Variants in FBXO33 observed in about 807,000 individuals in gnomAD.
The protein encoded by FBXO33 is F-box protein 33, also known as F-box only protein 33.
Under a neutral mutation model 46.3 loss-of-function variants are expected in FBXO33, and 22 were observed. The observed-to-expected ratio is 0.48, with a 90% CI of 0.34 to 0.68. The LOEUF is 0.68. FBXO33 is among the 30% of genes least tolerant of loss of function. FBXO33 has a pLI of 0.01. For synonymous variants in FBXO33, 337 were observed against 291.3 expected (o/e 1.16, Z -1.60); for missense variants, 692 against 708.8 (o/e 0.98, Z 0.27).
intron 1 of FBXO33, among the ~76,000 whole-genome samples, chr14:39,428,352 T>C (rs1268071435): frequency 6.6e-6 from 1 of 152,038 alleles, no homozygotes; most frequent in Non-Finnish European, 1.5e-5. Flanking sequence ...ATTACAGGCA[T>C]GCACTGCCAC....
chr14:39,410,446 T>C (rs2075417315), intron 1 of FBXO33, among the ~76,000 whole-genome samples: 1 of 152,220 alleles, frequency 6.6e-6, no homozygotes, highest in African/African-American at 2.4e-5. Context: ...TTGTTGAGGA[T>C]TTTGGTATCT....
At chr14:39,419,235 C>T (rs10136852) in intron 1 of FBXO33, among the ~76,000 whole-genome samples, 3 of 152,118 alleles carry the variant, frequency 2.0e-5, no homozygotes, top group Admixed American at 6.5e-5. Flanking sequence ...TTATAACTCA[C>T]GTATTTCAGA....
chr14:39,422,136 T>C lies in FBXO33; in HGVS notation c.599+9428A>G, dbSNP rs558052564. Reference sequence around the variant, plus strand: ...AGTCAGGCCTGGTGGCGTGTGCCTGTAGTCTCAGCTACTCGGGAGACTGAG... The same window carrying C: ...AGTCAGGCCTGGTGGCGTGTGCCTGCAGTCTCAGCTACTCGGGAGACTGAG... On this transcript the variant is annotated intron_variant, in intron 1 of 3. Coordinates refer to ENST00000298097, the MANE Select transcript of FBXO33 (RefSeq NM_203301.4). Among the ~76,000 whole-genome samples, 3 of 152,270 alleles carry C rather than the reference T, an allele frequency of 2.0e-5. No homozygotes were observed. In the South Asian group the frequency reaches 6.2e-4, roughly 32 times the overall value.
chr14:39,401,716 G>A lies in FBXO33; in HGVS notation c.856C>T (p.Leu286=). Residue 286 remains leucine, a synonymous_variant, in exon 3 of 4, where the codon CTG becomes TTG. Coordinates refer to ENST00000298097, the MANE Select transcript of FBXO33 (RefSeq NM_203301.4). The stretch of plus-strand genomic sequence containing the variant: ...CTGTTACCAGGAATATTATTGTCCA[G>A]TAAACTGAGGTGCTCCATGGTGTTG... ...VANTMEHLSL[L]DNNIPGNSTL... The A allele has an allele frequency of 6.2e-7, 1 of 1,614,236 alleles. No individual in the cohort carries two copies. Among genetic ancestry groups the A allele is most frequent in the South Asian group, 1.1e-5 (1 of 91,092 alleles).
At chr14:39,422,207 A>C (rs1036255413) in intron 1 of FBXO33, among the ~76,000 whole-genome samples, 3 of 152,172 alleles carry the variant, frequency 2.0e-5, no homozygotes, top group Non-Finnish European at 4.4e-5. Flanking sequence ...GCAGTGAGCC[A>C]ATATTGTGCC....
Position 39,431,793 on chromosome 14 carries a change from G to A in FBXO33, c.370C>T (p.Arg124Trp). ...CLRVSPAEQPRLEFLMRKCGW... is the reference protein window; with the variant it reads ...CLRVSPAEQPWLEFLMRKCGW... Reference sequence around the variant, plus strand: ...CACTTGCGCATGAGGAATTCCAGCCGAGGCTGCTCCGCGGGCGAGACGCGG... The same window carrying A: ...CACTTGCGCATGAGGAATTCCAGCCAAGGCTGCTCCGCGGGCGAGACGCGG... The change falls in exon 1 of 4, where the codon CGG becomes TGG. Residue 124 changes from arginine to tryptophan, a missense_variant. Arg to Trp is a moderately radical substitution (Grantham distance 101, BLOSUM62 -3). Coordinates refer to ENST00000298097, the MANE Select transcript of FBXO33 (RefSeq NM_203301.4). 6.2e-7 allele frequency: 1 copy of A among 1,612,284 alleles called. No homozygotes were observed. The highest frequency in any genetic ancestry group is 8.5e-7 in the Non-Finnish European group (1 of 1,179,958).
At chr14:39,406,329 C>A (rs1380605990) in intron 1 of FBXO33, among the ~76,000 whole-genome samples, 1 of 152,146 alleles carries the variant, frequency 6.6e-6, no homozygotes, top group Non-Finnish European at 1.5e-5. Context: ...CCTTTCAACT[C>A]AACTTTCATT....
intron 3 of FBXO33, 79 bp from the exon 4 acceptor site, chr14:39,399,866 C>A: frequency 7.1e-7 from 1 of 1,406,856 alleles, no homozygotes; most frequent in South Asian, 1.8e-5. Context: ...TTTCCTCATT[C>A]AAAGCTTCTA....
chr14:39,418,773 TCAAAAAAAAAAAAAAA>T (rs1164551405), intron 1 of FBXO33, among the ~76,000 whole-genome samples: 1 of 105,322 alleles, frequency 9.5e-6, no homozygotes, highest in Non-Finnish European at 1.8e-5. Context: ...AGACTCCGTC[TCAAAAAAAAAAAAAAA>T]CAAAAAAAAA....
intron 1 of FBXO33, among the ~76,000 whole-genome samples, chr14:39,414,838 AT>A (rs1270625070): frequency 1.3e-5 from 2 of 151,886 alleles, no homozygotes; most frequent in Non-Finnish European, 2.9e-5. Context: ...ATTTTAAAAT[AT>A]TTTGTAGGGA....
intron 1 of FBXO33, among the ~76,000 whole-genome samples, chr14:39,416,599 G>C (rs776540302): frequency 1.3e-5 from 2 of 151,994 alleles, no homozygotes; most frequent in Admixed American, 1.3e-4. Flanking sequence ...TCTTCTGCTT[G>C]ATCGATTGTC....
rs1471077749 is a variant in FBXO33 at position 39,417,588 on chromosome 14, T to C, written c.599+13976A>G. Among the ~76,000 whole-genome samples, 7 of 152,042 alleles carry C rather than the reference T, an allele frequency of 4.6e-5. No individual in the cohort carries two copies. The East Asian group carries it at 5.8e-4, about 13-fold the overall frequency. On this transcript the variant is annotated intron_variant, in intron 1 of 3. Coordinates refer to ENST00000298097, the MANE Select transcript of FBXO33 (RefSeq NM_203301.4). ...CTCTGTTGCCCAGGCTGGAGTGCAA[T>C]GGCACGATCTTGGCTCACTGCAACC...
Position 39,401,650 on chromosome 14 carries a change from G to A in FBXO33, c.922C>T (p.Leu308=), listed in dbSNP as rs1474437633. 2 of 1,614,046 alleles carry A rather than the reference G, an allele frequency of 1.2e-6. No homozygotes were observed. The highest frequency in any genetic ancestry group is 1.7e-5 in the Admixed American group (1 of 60,008). ...CAAAAATCCAAGGCAAGTGAGTGCA[G>A]ATTCACAAATCGCTCCAGTTCAACT... ...TAVELERFVN[L]HSLALDFCDF... is the part of the protein sequence containing the mutation. The change falls in exon 3 of 4, where the codon CTG becomes TTG. Residue 308 remains leucine, a synonymous_variant. Coordinates refer to ENST00000298097, the MANE Select transcript of FBXO33 (RefSeq NM_203301.4).
chr14:39,408,674 A>T lies in FBXO33; in HGVS notation c.600-6163T>A, dbSNP rs1171226013. On this transcript the variant is annotated intron_variant, in intron 1 of 3. Coordinates refer to ENST00000298097, the MANE Select transcript of FBXO33 (RefSeq NM_203301.4). ...ATTACAAGTGTGCACCACCATGCCT[A>T]TTTTTTTTTTTTTTCAGTAGATACA... 8.3e-4 allele frequency among the ~76,000 whole-genome samples: 117 copies of T among 140,148 alleles called. 1 individual carries two copies. The highest frequency in any genetic ancestry group is 7.2e-3 in the Middle Eastern group (2 of 278). 91.9% of individuals were successfully genotyped at this position (140,148 alleles called of 152,430 possible).
chr14:39,407,953 T>C (rs780170464), intron 1 of FBXO33, among the ~76,000 whole-genome samples: 9 of 152,222 alleles, frequency 5.9e-5, no homozygotes, highest in Admixed American at 1.3e-4. Context: ...CAAATGTCTA[T>C]TTATTTAGAG....
At chr14:39,413,372 T>C (rs1195871361) in intron 1 of FBXO33, among the ~76,000 whole-genome samples, 1 of 152,214 alleles carries the variant, frequency 6.6e-6, no homozygotes, top group African/African-American at 2.4e-5. Flanking sequence ...TCTAGTTCTC[T>C]TGCAATTTTC....
At position 39,397,776 on chromosome 14, in the gene FBXO33, T is replaced by C. The variant is rs151206369; in HGVS notation, c.*1740A>G. On this transcript the variant is annotated 3_prime_UTR_variant, in exon 4 of 4. Transcript: ENST00000298097. ...ATGATCATTTTTAATGCTTTATTCA[T>C]TGATTAAAAGAATATACATTTAACA... is the stretch of plus-strand genomic sequence containing the variant. The C allele has an allele frequency of 1.9e-3, 292 of 152,790 alleles. 1 individual carries two copies. The highest frequency in any genetic ancestry group is 6.4e-3 in the African/African-American group (266 of 41,582). The allele number at this position is 152,790 out of a possible 1,614,324, so 9.5% of individuals were successfully genotyped here.
At chr14:39,426,757 C>T (rs972475295) in intron 1 of FBXO33, among the ~76,000 whole-genome samples, 1 of 152,186 alleles carries the variant, frequency 6.6e-6, no homozygotes, top group African/African-American at 2.4e-5. Flanking sequence ...AGATGGGCAA[C>T]GCTTGTTATT....
intron 1 of FBXO33, among the ~76,000 whole-genome samples, chr14:39,404,322 T>A (rs1024602980): frequency 6.6e-6 from 1 of 152,082 alleles, no homozygotes; most frequent in African/African-American, 2.4e-5. Context: ...TTGATTTAAA[T>A]GGATCTTTTT....
Sources: allele counts gnomAD v4.1 joint callset (sites outside exome capture counted in the v4.1 genomes callset), GRCh38; gene constraint gnomAD v4.1.1; transcripts MANE v1.5; gene names NCBI Gene and HGNC (gene_info 2026-07-23, HGNC 2026-07-21).